Variants in CDKN2B-AS1 observed in about 807,000 individuals in gnomAD.
CDKN2B-AS1 encodes CDKN2B and CDKN2A antisense cis and trans regulatory RNA 1.
chr9:22,108,748 G>A (rs1456425357), intron 4 of CDKN2B-AS1, among the ~76,000 whole-genome samples: 1 of 152,124 alleles, frequency 6.6e-6, no homozygotes, highest in Non-Finnish European at 1.5e-5. Context: ...TCACTAAATT[G>A]GTAAATAGCA....
Position 21,996,656 on chromosome 9 carries a change from G to A in CDKN2B-AS1, n.29+1495G>A, listed in dbSNP as rs1820704203. On this transcript the variant is annotated intron_variant and non_coding_transcript_variant, in intron 1 of 4. Coordinates refer to ENST00000650946, the Ensembl canonical transcript of CDKN2B-AS1. The surrounding 1 kb of genome is among the most constrained non-coding windows in gnomAD (Gnocchi z 5.4). ...GGGTCTTCCTCTGCACCTATGCCAC[G>A]CCCCCAGCATTCCCCTCCTACCACC... Among the ~76,000 whole-genome samples the A allele has an allele frequency of 6.6e-6, 1 of 152,074 alleles. No homozygotes were observed. Among genetic ancestry groups the A allele is most frequent in the Non-Finnish European group, 1.5e-5 (1 of 68,008 alleles).
intron 1 of CDKN2B-AS1, chr9:22,012,252 A>G: frequency 7.0e-7 from 1 of 1,431,402 alleles, no homozygotes; most frequent in Non-Finnish European, 9.8e-7. Context: ...ATTCAAGACA[A>G]GGAGGGTATC....
In CDKN2B-AS1 at chr9:22,006,224, G is replaced by A. The variant is rs764199965; in HGVS notation, n.29+11063G>A. ...CGTGGAGCAGCAGCAGCTCCGCCAC[G>A]CGGGCGCTGCCCATCATCATGACCT... On this transcript the variant is annotated intron_variant and non_coding_transcript_variant, in intron 1 of 4. Transcript: ENST00000650946. The surrounding 1 kb of genome is among the most constrained non-coding windows in gnomAD (Gnocchi z 6.4). The A allele has an allele frequency of 6.2e-7, 1 of 1,606,776 alleles. No homozygotes were observed. The highest frequency in any genetic ancestry group is 8.5e-7 in the Non-Finnish European group (1 of 1,179,838).
intron 4 of CDKN2B-AS1, among the ~76,000 whole-genome samples, chr9:22,092,840 C>T (rs1055553602): frequency 6.6e-6 from 1 of 152,098 alleles, no homozygotes; most frequent in Non-Finnish European, 1.5e-5. Flanking sequence ...CTGCTCTGAT[C>T]TTAGTTGTTT....
chr9:22,067,311 A>ATCC (rs1824088438), intron 4 of CDKN2B-AS1, among the ~76,000 whole-genome samples: 1 of 152,222 alleles, frequency 6.6e-6, no homozygotes, highest in African/African-American at 2.4e-5. Flanking sequence ...TGTATCTTTT[A>ATCC]TTCAGAAGAC....
chr9:22,071,283 A>G (rs1824276246), intron 4 of CDKN2B-AS1, among the ~76,000 whole-genome samples: 1 of 92,134 alleles, frequency 1.1e-5, no homozygotes, highest in Non-Finnish European at 1.9e-5. Flanking sequence ...AGAAATATCT[A>G]GCTTTTTTTT....
intron 4 of CDKN2B-AS1, among the ~76,000 whole-genome samples, chr9:22,114,233 A>T (rs1825879785): frequency 6.6e-6 from 1 of 152,226 alleles, no homozygotes. Context: ...ATACCTGGTC[A>T]AACTTCTCTT....
At chr9:22,069,478 G>A (rs540239888) in intron 4 of CDKN2B-AS1, among the ~76,000 whole-genome samples, 139 of 152,172 alleles carry the variant, frequency 9.1e-4, no homozygotes, top group Non-Finnish European at 1.8e-3. Context: ...AGAGATATAC[G>A]ATTGTATAAG....
rs2131166524 is a variant in CDKN2B-AS1 at position 22,000,783 on chromosome 9, CTTAA to C, written n.29+5627_29+5630del. Among the ~76,000 whole-genome samples the C allele has an allele frequency of 6.6e-6, 1 of 152,130 alleles. No individual in the cohort carries two copies. Among genetic ancestry groups the C allele is most frequent in the East Asian group, 1.9e-4 (1 of 5,188 alleles). ...TAACAAACAATAACAGTACTTGCAG[CTTAA>C]TTAAAGAAAAAATGCAAGTATCTTA... On this transcript the variant is annotated intron_variant and non_coding_transcript_variant, in intron 1 of 4. Coordinates refer to ENST00000650946, the Ensembl canonical transcript of CDKN2B-AS1. This position sits in a 1 kb window ranked among gnomAD's most constrained non-coding sequence, Gnocchi z 4.1.
At chr9:22,067,757 A>C (rs946065967) in intron 4 of CDKN2B-AS1, among the ~76,000 whole-genome samples, 2 of 152,224 alleles carry the variant, frequency 1.3e-5, no homozygotes, top group African/African-American at 4.8e-5. Flanking sequence ...AAGAGCCTAA[A>C]GTGTTTTCAT....
intron 4 of CDKN2B-AS1, among the ~76,000 whole-genome samples, chr9:22,091,903 T>C (rs1825101460): frequency 6.6e-6 from 1 of 152,204 alleles, no homozygotes; most frequent in East Asian, 1.9e-4. Context: ...CTTGTGCCAG[T>C]TTTCAAAGGG....
intron 3 of CDKN2B-AS1, among the ~76,000 whole-genome samples, chr9:22,055,560 T>C (rs1264127193): frequency 6.6e-6 from 1 of 152,120 alleles, no homozygotes; most frequent in Non-Finnish European, 1.5e-5. Context: ...TTGTTTTTTG[T>C]TTTTTTGCCA....
At chr9:22,002,048 G>A (rs542184644) in intron 1 of CDKN2B-AS1, among the ~76,000 whole-genome samples, 2 of 152,186 alleles carry the variant, frequency 1.3e-5, no homozygotes, top group East Asian at 3.9e-4. Flanking sequence ...GTGTGATTGT[G>A]TATCTAGGTA....
At chr9:22,042,915 C>G (rs1036089287) in intron 1 of CDKN2B-AS1, among the ~76,000 whole-genome samples, 1 of 152,008 alleles carries the variant, frequency 6.6e-6, no homozygotes, top group African/African-American at 2.4e-5. Context: ...GTTTTCATGA[C>G]TATGAAATGT....
At position 22,001,490 on chromosome 9, in the gene CDKN2B-AS1, A is replaced by G. The variant is rs536631739; in HGVS notation, n.29+6329A>G. 5.2e-4 allele frequency among the ~76,000 whole-genome samples: 79 copies of G among 152,284 alleles called. No individual in the cohort carries two copies. Among genetic ancestry groups the G allele is most frequent in the Non-Finnish European group, 9.4e-4 (64 of 67,974 alleles). The stretch of plus-strand genomic sequence containing the variant: ...TTGTTTTACATTTAGTTCACACCAC[A>G]AATTAGTAAGTCAGGCTTGGTGCTT... On this transcript the variant is annotated intron_variant and non_coding_transcript_variant, in intron 1 of 4. Coordinates refer to ENST00000650946, the Ensembl canonical transcript of CDKN2B-AS1. This position sits in a 1 kb window ranked among gnomAD's most constrained non-coding sequence, Gnocchi z 4.2.
intron 4 of CDKN2B-AS1, among the ~76,000 whole-genome samples, chr9:22,075,431 T>C (rs894931715): frequency 7.9e-5 from 12 of 152,142 alleles, no homozygotes; most frequent in Admixed American, 3.3e-4. Flanking sequence ...GACTCAGCGA[T>C]TGGGATGTAG....
At chr9:22,055,551 T>TG (rs1341713637) in intron 3 of CDKN2B-AS1, among the ~76,000 whole-genome samples, 1 of 152,186 alleles carries the variant, frequency 6.6e-6, no homozygotes, top group Non-Finnish European at 1.5e-5. Flanking sequence ...GTAGGTTGGT[T>TG]GTTTTTTGTT....
chr9:22,074,548 C>T (rs1363618514), intron 4 of CDKN2B-AS1, among the ~76,000 whole-genome samples: 1 of 152,118 alleles, frequency 6.6e-6, no homozygotes, highest in Admixed American at 6.5e-5. Context: ...TATTTGTTTC[C>T]TTTTGTTTCC....
intron 4 of CDKN2B-AS1, among the ~76,000 whole-genome samples, chr9:22,069,245 C>G (rs184998024): frequency 9.2e-5 from 14 of 152,220 alleles, no homozygotes; most frequent in Admixed American, 5.9e-4. Flanking sequence ...TAACCTCTGA[C>G]AAACCCTTGG....
Sources: gnomAD v4.1 joint callset for allele counts (sites outside exome capture counted in the v4.1 genomes callset) on GRCh38, gnomAD v4.1.1 for gene constraint, Gnocchi (gnomAD v3.1) non-coding constraint, MANE v1.5 for transcripts, NCBI Gene and HGNC (gene_info 2026-07-23, HGNC 2026-07-21) for gene names.